The following DLG2 variants were observed in gnomAD, a reference collection of about 807,000 sequenced individuals.
DLG2 encodes discs large MAGUK scaffold protein 2.
In DLG2, 45 loss-of-function variants were observed where a neutral mutation model predicts 132.5. That is an observed-to-expected ratio of 0.34 (90% CI 0.27 to 0.44). DLG2 has a LOEUF of 0.44. Ranked by LOEUF, DLG2 falls within the 20% of genes least tolerant of loss-of-function variation. The probability of loss-of-function intolerance (pLI) is 1.00; values close to 1 mark genes in which losing one functional copy is unlikely to be tolerated. For missense variants in DLG2, 1,045 were observed against 1,196.9 expected (o/e 0.87, Z 1.87); for synonymous variants, 424 against 419.6 (o/e 1.01, Z -0.13).
chr11:84,413,904 G>A (rs2098919251), intron 7 of DLG2, among the ~76,000 whole-genome samples: 1 of 152,088 alleles, frequency 6.6e-6, no homozygotes, highest in Non-Finnish European at 1.5e-5. Flanking sequence ...AGAGCTGGCT[G>A]GGAACCTTCA....
intron 8 of DLG2, among the ~76,000 whole-genome samples, chr11:84,243,837 C>T (rs1388177515): frequency 6.6e-6 from 1 of 152,218 alleles, no homozygotes; most frequent in African/African-American, 2.4e-5. Context: ...CATAGATACA[C>T]CCACCTTACC....
chr11:85,086,432 C>T (rs1032542444), intron 6 of DLG2, among the ~76,000 whole-genome samples: 2 of 152,010 alleles, frequency 1.3e-5, no homozygotes, highest in African/African-American at 2.4e-5. Flanking sequence ...TTGGTATGAG[C>T]ACTACACTAG....
intron 7 of DLG2, among the ~76,000 whole-genome samples, chr11:84,500,377 T>C (rs1454322667): frequency 1.4e-5 from 2 of 146,080 alleles, no homozygotes; most frequent in African/African-American, 5.0e-5. Context: ...AAACAACAAA[T>C]GGCTTTGACT....
chr11:84,375,485 C>T (rs931554078), intron 7 of DLG2, among the ~76,000 whole-genome samples: 1 of 151,966 alleles, frequency 6.6e-6, no homozygotes, highest in African/African-American at 2.4e-5. Context: ...GTTTTTTATA[C>T]CTTAATTTAT....
intron 9 of DLG2, among the ~76,000 whole-genome samples, chr11:84,153,065 T>C (rs1214702730): frequency 2.0e-5 from 3 of 152,230 alleles, no homozygotes; most frequent in African/African-American, 7.2e-5. Context: ...TACGCTTGTC[T>C]GGAAAGGATT....
intron 22 of DLG2, among the ~76,000 whole-genome samples, chr11:83,479,422 C>A (rs958735765): frequency 6.6e-6 from 1 of 152,088 alleles, no homozygotes; most frequent in Non-Finnish European, 1.5e-5. Context: ...TAATACAATA[C>A]TCATTCAAAC....
chr11:85,593,738 CAA>C (rs1158051172), intron 3 of DLG2, among the ~76,000 whole-genome samples: 3 of 151,982 alleles, frequency 2.0e-5, no homozygotes, highest in East Asian at 1.9e-4. Flanking sequence ...GTGATATATT[CAA>C]AGAGATGTTA....
rs61909112 is a variant in DLG2 at position 85,012,335 on chromosome 11, G to A, written c.357+99326C>T. Among the ~76,000 whole-genome samples, 39 of 25,560 alleles carry A rather than the reference G, an allele frequency of 1.5e-3. 6 individuals are homozygous for A. The highest frequency in any genetic ancestry group is 0.04 in the Middle Eastern group (2 of 50). The allele number at this position is 25,560 out of a possible 152,430, so 16.8% of individuals were successfully genotyped here. A position where few individuals can be genotyped will look rare whatever the true frequency, so the allele number is the denominator to read the frequency against. ...AGGTCAGGAGATCGAGACCATCCTG[G>A]CTAACACGGTGAAACCCCATTTCTA... On this transcript the variant is annotated intron_variant, in intron 6 of 27. Transcript: ENST00000376104.
intron 7 of DLG2, among the ~76,000 whole-genome samples, chr11:84,434,575 T>G (rs2098994871): frequency 6.6e-6 from 1 of 152,176 alleles, no homozygotes; most frequent in African/African-American, 2.4e-5. Context: ...AGGGCTGTTG[T>G]GATAATTAGA....
intron 3 of DLG2, among the ~76,000 whole-genome samples, chr11:85,458,594 T>A (rs1254475675): frequency 1.3e-5 from 2 of 152,234 alleles, no homozygotes; most frequent in Admixed American, 6.5e-5. Flanking sequence ...GTACAGTTAG[T>A]ACACTTCTTT....
chr11:84,388,314 C>G (rs1219777712), intron 7 of DLG2, among the ~76,000 whole-genome samples: 1 of 151,840 alleles, frequency 6.6e-6, no homozygotes, highest in African/African-American at 2.4e-5. Context: ...CTCAAAGAAT[C>G]TATCAAAAAA....
At chr11:84,155,334 C>A (rs1317467008) in intron 9 of DLG2, among the ~76,000 whole-genome samples, 1 of 152,134 alleles carries the variant, frequency 6.6e-6, no homozygotes, top group African/African-American at 2.4e-5. Context: ...CCCTCTTCTA[C>A]TTTGGTTTCT....
chr11:85,483,064 T>C (rs2093337510), intron 3 of DLG2, among the ~76,000 whole-genome samples: 1 of 152,160 alleles, frequency 6.6e-6, no homozygotes, highest in Non-Finnish European at 1.5e-5. Context: ...TGGAGAAAGA[T>C]ATAAATATCC....
In DLG2 at chr11:85,223,429, G is replaced by A. The variant is rs1366950388; in HGVS notation, c.186+61791C>T. On this transcript the variant is annotated intron_variant, in intron 4 of 27. Coordinates refer to ENST00000376104, the MANE Select transcript of DLG2 (RefSeq NM_001142699.3). Reference sequence around the variant, plus strand: ...CTGTGCAGATGGCTTGAGTCCAGGAGTTCCAGACAAGCCTGGGAAACATGG... The same window carrying A: ...CTGTGCAGATGGCTTGAGTCCAGGAATTCCAGACAAGCCTGGGAAACATGG... Among the ~76,000 whole-genome samples, 4 of 152,044 alleles carry A rather than the reference G, an allele frequency of 2.6e-5. No homozygotes were observed. In the East Asian group the frequency reaches 7.7e-4, roughly 29 times the overall value.
chr11:85,527,176 A>ATTTTTTT (rs57616528), intron 3 of DLG2, among the ~76,000 whole-genome samples: 1 of 142,966 alleles, frequency 7.0e-6, no homozygotes, highest in Non-Finnish European at 1.6e-5. Context: ...GGATGTTTTT[A>ATTTTTTT]TTTTTTTTTT....
intron 6 of DLG2, among the ~76,000 whole-genome samples, chr11:84,536,498 A>G (rs2099355906): frequency 6.6e-6 from 1 of 152,224 alleles, no homozygotes; most frequent in African/African-American, 2.4e-5. Context: ...TGTTTATCTA[A>G]CCTTATGAAT....
At chr11:83,668,697 A>T (rs557747257) in intron 18 of DLG2, among the ~76,000 whole-genome samples, 2 of 16,982 alleles carry the variant, frequency 1.2e-4, no homozygotes, top group South Asian at 4.2e-3. Flanking sequence ...ATATATGTGT[A>T]TATAAACACA....
intron 6 of DLG2, among the ~76,000 whole-genome samples, chr11:84,733,791 A>G (rs1237099346): frequency 6.6e-6 from 1 of 152,160 alleles, no homozygotes; most frequent in Non-Finnish European, 1.5e-5. Flanking sequence ...TAAGTCTTTA[A>G]TCCATCTTGA....
Position 84,757,033 on chromosome 11 carries a change from C to T in DLG2, c.358-222302G>A, listed in dbSNP as rs183667732. ...TATCAACATCCTCAATCCTTAAGTG[C>T]CCTAAATGATAATGAACTAAGAATA... On this transcript the variant is annotated intron_variant, in intron 6 of 27. Transcript: ENST00000376104. Among the ~76,000 whole-genome samples the T allele has an allele frequency of 1.1e-3, 163 of 152,240 alleles. 1 individual carries two copies. Among genetic ancestry groups the T allele is most frequent in the African/African-American group, 3.8e-3 (158 of 41,542 alleles).
Sources: allele counts gnomAD v4.1 joint callset (sites outside exome capture counted in the v4.1 genomes callset), GRCh38; gene constraint gnomAD v4.1.1; transcripts MANE v1.5; gene names NCBI Gene and HGNC (gene_info 2026-07-23, HGNC 2026-07-21).